TPCN1: variants seen among roughly 807,000 people sequenced by gnomAD.
TPCN1 encodes the protein two pore segment channel 1.
A neutral mutation model predicts 108.8 loss-of-function variants in TPCN1; 52 were observed. That is an observed-to-expected ratio of 0.48 (90% CI 0.38 to 0.60). The LOEUF is 0.60. Ranked by LOEUF, TPCN1 falls within the 20% of genes least tolerant of loss-of-function variation. The pLI, the probability that TPCN1 is intolerant of heterozygous loss-of-function variation, is 0.00. For missense variants in TPCN1, 806 were observed against 1,072.8 expected (o/e 0.75, Z 3.47); for synonymous variants, 446 against 433.7 (o/e 1.03, Z -0.35).
At chr12:113,274,748 G>A (rs1955617313) in intron 10 of TPCN1, among the ~76,000 whole-genome samples, 1 of 152,208 alleles carries the variant, frequency 6.6e-6, no homozygotes, top group Non-Finnish European at 1.5e-5. Context: ...TTCTCCATGT[G>A]CAGATGAAGA....
chr12:113,284,780 C>G lies in TPCN1; in HGVS notation c.1453+9C>G. On this transcript the variant is annotated intron_variant, in intron 17 of 27. Coordinates refer to ENST00000335509, the MANE Select transcript of TPCN1 (RefSeq NM_017901.6). The surrounding 1 kb of genome is among the most constrained non-coding windows in gnomAD (Gnocchi z 4.1). ...CCTCGTCTTTCTAACTAGTACGTTT[C>G]CGACATGGCTTTGCTGGACTGCTTG... 3.7e-6 allele frequency: 6 copies of G among 1,614,178 alleles called. No individual in the cohort carries two copies. The highest frequency in any genetic ancestry group is 5.1e-6 in the Non-Finnish European group (6 of 1,179,988).
intron 2 of TPCN1, among the ~76,000 whole-genome samples, chr12:113,240,815 C>T (rs944342614): frequency 4.0e-5 from 6 of 148,494 alleles, no homozygotes; most frequent in African/African-American, 1.5e-4. Context: ...GGCACAATTT[C>T]GGCTCACTGC....
Position 113,288,450 on chromosome 12 carries a change from G to A in TPCN1, c.1706+216G>A. On this transcript the variant is annotated intron_variant, in intron 20 of 27. Coordinates refer to ENST00000335509, the MANE Select transcript of TPCN1 (RefSeq NM_017901.6). This position sits in a 1 kb window ranked among gnomAD's most constrained non-coding sequence, Gnocchi z 4.8. ...CTGTCTGACATATTTAGTAGGGAGG[G>A]CAGGGAGCTGTCAACTCGCTTACCA... is the stretch of plus-strand genomic sequence containing the variant. The A allele has an allele frequency of 1.3e-6, 2 of 1,490,770 alleles. No homozygotes were observed. The highest frequency in any genetic ancestry group is 1.8e-6 in the Non-Finnish European group (2 of 1,121,834). 92.3% of individuals were successfully genotyped at this position (1,490,770 alleles called of 1,614,324 possible).
At chr12:113,260,579 C>A (rs1954992961) in intron 3 of TPCN1, 87 bp downstream of exon 3, 26 of 1,477,220 alleles carry the variant, frequency 1.8e-5, no homozygotes, top group Non-Finnish European at 2.2e-5. Context: ...CCCAGAAATT[C>A]AGTTCCAGCA....
rs1179348166 is a variant in TPCN1, at chr12:113,226,930, C to T, written c.78C>T (p.Ser26=). 1 of 1,614,040 alleles carries T rather than the reference C, an allele frequency of 6.2e-7. No homozygotes were observed. The highest frequency in any genetic ancestry group is 8.5e-7 in the Non-Finnish European group (1 of 1,180,024). The change falls in exon 2 of 28, where the codon TCC becomes TCT. Residue 26 remains serine (S), a synonymous_variant. Coordinates refer to ENST00000335509, the MANE Select transcript of TPCN1 (RefSeq NM_017901.6). The part of the protein sequence containing the change: ...DEGGSAPLAP[S]NGLGQEELPS... ...GTGGCAGTGCCCCACTGGCTCCCTCCAACGGCCTGGGCCAAGAAGAGCTAC... is the reference window on the plus strand; with the variant it reads ...GTGGCAGTGCCCCACTGGCTCCCTCTAACGGCCTGGGCCAAGAAGAGCTAC...
In TPCN1 at chr12:113,288,010, G is replaced by A. The variant is rs1008537596; in HGVS notation, c.1635-153G>A. Among the ~76,000 whole-genome samples the A allele has an allele frequency of 2.6e-5, 4 of 152,212 alleles. No individual in the cohort carries two copies. The highest frequency in any genetic ancestry group is 5.9e-5 in the Non-Finnish European group (4 of 68,028). On this transcript the variant is annotated intron_variant, in intron 19 of 27. Coordinates refer to ENST00000335509, the MANE Select transcript of TPCN1 (RefSeq NM_017901.6). The surrounding 1 kb of genome is among the most constrained non-coding windows in gnomAD (Gnocchi z 4.8). The stretch of plus-strand genomic sequence containing the variant: ...ATGAATCACCTGAGCCCAGCTCAGG[G>A]TTGGTGGCGCCCAAGGGAGTGGACG...
In TPCN1 at chr12:113,277,220, T is replaced by C. The variant is rs1955705094; in HGVS notation, c.1060-20T>C. On this transcript the variant is annotated intron_variant, in intron 11 of 27. Transcript: ENST00000335509. ...AAGGGGAGTAGCCTGGGTTCCACACTGCTCTTCCCTCTCCCCCAGAGGCCT... is the reference window on the plus strand; with the variant it reads ...AAGGGGAGTAGCCTGGGTTCCACACCGCTCTTCCCTCTCCCCCAGAGGCCT... 4 of 1,611,788 alleles carry C rather than the reference T, an allele frequency of 2.5e-6. No individual in the cohort carries two copies. The South Asian group carries it at 4.4e-5, about 18-fold the overall frequency.
At chr12:113,265,458 G>T (rs2136607501) in intron 3 of TPCN1, among the ~76,000 whole-genome samples, 1 of 152,206 alleles carries the variant, frequency 6.6e-6, no homozygotes, top group Admixed American at 6.5e-5. Context: ...CACTCTGCTG[G>T]GCACTCCTAG....
Position 113,232,201 on chromosome 12 carries a change from A to G in TPCN1, c.112+5237A>G, listed in dbSNP as rs1455665752. Among the ~76,000 whole-genome samples the G allele has an allele frequency of 2.0e-5, 3 of 152,252 alleles. No homozygotes were observed. Among genetic ancestry groups the G allele is most frequent in the Non-Finnish European group, 4.4e-5 (3 of 68,048 alleles). ...TCCTGCAGCTAAGGCCCAAGGTCAC[A>G]GCGCAGAGAGCTGACCTCTCCCTCC... is the stretch of plus-strand genomic sequence containing the variant. On this transcript the variant is annotated intron_variant, in intron 2 of 27. Coordinates refer to ENST00000335509, the MANE Select transcript of TPCN1 (RefSeq NM_017901.6). The surrounding 1 kb of genome is among the most constrained non-coding windows in gnomAD (Gnocchi z 5.6).
At chr12:113,286,450 A>AGTGG (rs367994579) in intron 18 of TPCN1, among the ~76,000 whole-genome samples, 4 of 152,152 alleles carry the variant, frequency 2.6e-5, no homozygotes, top group Admixed American at 6.5e-5. Context: ...TAACACGCAG[A>AGTGG]GCGGAGTTGG....
At chr12:113,226,580 C>A in intron 1 of TPCN1, 148 bp from the exon 2 acceptor site, 1 of 720,510 alleles carries the variant, frequency 1.4e-6, no homozygotes, top group Non-Finnish European at 2.2e-6. Flanking sequence ...CGCGCCTGGC[C>A]CTAGTTCACC....
intron 2 of TPCN1, among the ~76,000 whole-genome samples, chr12:113,229,621 TG>T (rs1953604244): frequency 6.6e-6 from 1 of 152,218 alleles, no homozygotes. Flanking sequence ...CCCAAGTAGC[TG>T]GGATTACAGG....
chr12:113,252,680 C>T lies in TPCN1; in HGVS notation c.113-7688C>T, dbSNP rs146759136. Among the ~76,000 whole-genome samples the T allele has an allele frequency of 1.7e-4, 26 of 152,318 alleles. No individual in the cohort carries two copies. In the East Asian group the frequency reaches 5.0e-3, roughly 29 times the overall value. On this transcript the variant is annotated intron_variant, in intron 2 of 27. Transcript: ENST00000335509. ...TGGGGCATGTGGAGGTCGTGGAGGA[C>T]AGGGCATGGGCTCACGAGGACGCAG...
chr12:113,238,411 G>A (rs554916703), intron 2 of TPCN1, among the ~76,000 whole-genome samples: 3 of 152,318 alleles, frequency 2.0e-5, no homozygotes, highest in South Asian at 4.1e-4. Context: ...TCCTGTGAGT[G>A]CCACGTGGGT....
chr12:113,290,179 C>T lies in TPCN1; in HGVS notation c.1848C>T (p.Asn616=), dbSNP rs1245449084. 1 of 1,608,028 alleles carries T rather than the reference C, an allele frequency of 6.2e-7. No individual in the cohort carries two copies. The highest frequency in any genetic ancestry group is 8.5e-7 in the Non-Finnish European group (1 of 1,177,032). ...GCTGGCGCAACCACACCGTGGGCAACAGGACCGTGGTGGAGGAAGGCTACT... is the reference window on the plus strand; with the variant it reads ...GCTGGCGCAACCACACCGTGGGCAATAGGACCGTGGTGGAGGAAGGCTACT... ...AYRWRNHTVG[N]RTVVEEGYYY... Residue 616 remains asparagine (N), a synonymous_variant, in exon 22 of 28, where the codon AAC becomes AAT. Transcript: ENST00000335509.
intron 2 of TPCN1, among the ~76,000 whole-genome samples, chr12:113,259,791 C>G (rs1954955945): frequency 6.6e-6 from 1 of 152,174 alleles, no homozygotes; most frequent in African/African-American, 2.4e-5. Context: ...TTGGCCAGAG[C>G]CAAACAATGT....
At chr12:113,228,851 G>A (rs1953571026) in intron 2 of TPCN1, among the ~76,000 whole-genome samples, 1 of 152,200 alleles carries the variant, frequency 6.6e-6, no homozygotes, top group Admixed American at 6.6e-5. Context: ...CAGCTTTAGA[G>A]AGGAATGCTG....
At chr12:113,267,720 T>C (rs1220652226) in intron 4 of TPCN1, 123 bp from the exon 5 acceptor site, 1 of 653,402 alleles carries the variant, frequency 1.5e-6, no homozygotes, top group Non-Finnish European at 2.8e-6. Context: ...GCCAGGTTTT[T>C]GTAACTCTGA....
At position 113,267,884 on chromosome 12, in the gene TPCN1, GT is replaced by G. The variant is rs1955331029; in HGVS notation, c.459del (p.Phe153LeufsTer5). 6.2e-7 allele frequency: 1 copy of G among 1,614,184 alleles called. No individual in the cohort carries two copies. Among genetic ancestry groups the G allele is most frequent in the Non-Finnish European group, 8.5e-7 (1 of 1,180,030 alleles). ...LELFALMVVV[F>X]ELCMKLRWLG... ...AGCTGTTTGCCCTGATGGTGGTAGTGTTTGAACTCTGCATGAAGTTACGCTG... is the reference window on the plus strand; with the variant it reads ...AGCTGTTTGCCCTGATGGTGGTAGTGTTGAACTCTGCATGAAGTTACGCTG... On this transcript the variant is annotated frameshift_variant, in exon 5 of 28. Coordinates refer to ENST00000335509, the MANE Select transcript of TPCN1 (RefSeq NM_017901.6). LOFTEE classifies it high-confidence loss of function.
Sources: gnomAD v4.1 joint callset for allele counts (sites outside exome capture counted in the v4.1 genomes callset) on GRCh38, gnomAD v4.1.1 for gene constraint, Gnocchi (gnomAD v3.1) non-coding constraint, MANE v1.5 for transcripts, NCBI Gene and HGNC (gene_info 2026-07-23, HGNC 2026-07-21) for gene names.